The following MGAT5 variants were observed in gnomAD, a reference collection of about 807,000 sequenced individuals.
MGAT5 encodes alpha-1,6-mannosylglycoprotein 6-beta-N-acetylglucosaminyltransferase.
Under a neutral mutation model 94.3 loss-of-function variants are expected in MGAT5, and 30 were observed. The observed-to-expected ratio is 0.32, with a 90% confidence interval of 0.24 to 0.43. The LOEUF (loss-of-function observed/expected upper bound fraction) is 0.43. MGAT5 is among the 20% of genes least tolerant of loss of function. The pLI is 1.00. For synonymous variants in MGAT5, 310 were observed against 322.9 expected, an observed-to-expected ratio of 0.96 and a Z score of 0.43; for missense variants, 691 against 905.5, an observed-to-expected ratio of 0.76 and a Z score of 3.04.
chr2:134,262,443 T>C (rs2105572563), intron 1 of MGAT5, among the ~76,000 whole-genome samples: 1 of 152,128 alleles, frequency 6.6e-6, no homozygotes, highest in South Asian at 2.1e-4. Context: ...GGAGTCTCAC[T>C]GTATTGCCCA....
intron 10 of MGAT5, among the ~76,000 whole-genome samples, chr2:134,387,547 C>T (rs1306356463): frequency 6.6e-6 from 1 of 151,434 alleles, no homozygotes; most frequent in Non-Finnish European, 1.5e-5. Context: ...TGGAATGAGG[C>T]AAGTAAAGTC....
chr2:134,223,568 GAGGATTATTGTAGCCAAGAA>G (rs1232626324), intron 1 of MGAT5, among the ~76,000 whole-genome samples: 1 of 152,188 alleles, frequency 6.6e-6, no homozygotes, highest in Non-Finnish European at 1.5e-5. Flanking sequence ...CTACTTTCTA[GAGGATTATTGTAGCCAAGAA>G]ATAATGCTTT....
intron 4 of MGAT5, among the ~76,000 whole-genome samples, chr2:134,327,014 CT>C (rs1687684404): frequency 6.6e-6 from 1 of 152,094 alleles, no homozygotes; most frequent in Admixed American, 6.6e-5. Context: ...CTGTTTTGTT[CT>C]CACGTACAAT....
At chr2:134,225,069 C>T (rs1032381653) in intron 1 of MGAT5, among the ~76,000 whole-genome samples, 1 of 128,080 alleles carries the variant, frequency 7.8e-6, no homozygotes, top group African/African-American at 3.1e-5. Flanking sequence ...GAGTGAGACC[C>T]TGTCTCACAA....
intron 9 of MGAT5, among the ~76,000 whole-genome samples, chr2:134,357,826 A>G (rs1679840522): frequency 6.6e-6 from 1 of 151,926 alleles, no homozygotes; most frequent in Admixed American, 6.6e-5. Context: ...CAGTTTCCCT[A>G]GCCTGCATCC....
intron 6 of MGAT5, among the ~76,000 whole-genome samples, chr2:134,339,632 A>C (rs1272165090): frequency 6.6e-6 from 1 of 152,190 alleles, no homozygotes; most frequent in East Asian, 1.9e-4. Flanking sequence ...AGTTGGGATT[A>C]GCATGGAGGC....
upstream of MGAT5, among the ~76,000 whole-genome samples, chr2:134,249,534 T>A (rs1181653381): frequency 6.6e-6 from 1 of 152,234 alleles, no homozygotes; most frequent in Non-Finnish European, 1.5e-5. Flanking sequence ...CTTTTTTTGC[T>A]TAGTATAATG....
chr2:134,129,533 G>A (rs1211868463), intron 1 of MGAT5, among the ~76,000 whole-genome samples: 1 of 152,092 alleles, frequency 6.6e-6, no homozygotes, highest in Admixed American at 6.5e-5. Flanking sequence ...TTTATGTAAA[G>A]GAACTATTTT....
chr2:134,254,758 A>G, intron 1 of MGAT5, 114 bp downstream of exon 1: 1 of 1,389,706 alleles, frequency 7.2e-7, no homozygotes, highest in South Asian at 1.4e-5. Flanking sequence ...CACTGCCTTC[A>G]TAAGCAGTGA....
chr2:134,422,701 C>A, intron 12 of MGAT5, 102 bp from the exon 13 acceptor site: 1 of 813,398 alleles, frequency 1.2e-6, no homozygotes, highest in South Asian at 1.5e-5. Flanking sequence ...GTCTTGTTAC[C>A]TACACGATTA....
At chr2:134,274,422 T>C (rs959292414) in intron 2 of MGAT5, among the ~76,000 whole-genome samples, 21 of 152,308 alleles carry the variant, frequency 1.4e-4, no homozygotes, top group Non-Finnish European at 2.4e-4. Context: ...ACTGCCTTTT[T>C]TGTTGGTCAG....
Position 134,448,821 on chromosome 2 carries a change from G to A in MGAT5, c.2200G>A (p.Val734Met). The stretch of plus-strand genomic sequence containing the variant: ...CTGCCGGGACTTCATCAAGGGCCAG[G>A]TGGCTCTCTGCAAAGACTGCCTATA... ...CPCRDFIKGQ[V>M]ALCKDCL Residue 734 changes from valine to methionine, a missense_variant, in exon 16 of 16, where the codon GTG becomes ATG. This residue lies in a region of MGAT5 where 260 missense variants were observed against 347.0 expected (regional missense o/e 0.75). Coordinates refer to ENST00000281923, the MANE Select transcript of MGAT5 (RefSeq NM_002410.5). The A allele has an allele frequency of 6.2e-7, 1 of 1,613,716 alleles. No individual in the cohort carries two copies.
At chr2:134,412,771 A>G in intron 11 of MGAT5, 98 bp from the exon 12 acceptor site, 3 of 1,461,686 alleles carry the variant, frequency 2.1e-6, no homozygotes, top group African/African-American at 1.4e-5. Flanking sequence ...CCACACGGGA[A>G]TGGGCCACAG....
intron 10 of MGAT5, among the ~76,000 whole-genome samples, chr2:134,389,191 A>G (rs1030721374): frequency 2.2e-4 from 34 of 152,216 alleles, no homozygotes; most frequent in African/African-American, 8.0e-4. Context: ...ATAACTGCCT[A>G]GACCCATTAG....
intron 2 of MGAT5, among the ~76,000 whole-genome samples, chr2:134,310,380 C>T (rs1686577273): frequency 6.6e-6 from 1 of 152,140 alleles, no homozygotes; most frequent in South Asian, 2.1e-4. Context: ...ATGAGGAAGG[C>T]ACTTCATCTC....
At chr2:134,291,433 G>C (rs1389438523) in intron 2 of MGAT5, among the ~76,000 whole-genome samples, 3 of 152,190 alleles carry the variant, frequency 2.0e-5, no homozygotes, top group African/African-American at 7.2e-5. Context: ...TTAGTCTCCA[G>C]AATTATGAGA....
chr2:134,363,834 G>A (rs1468896459), intron 10 of MGAT5, among the ~76,000 whole-genome samples: 1 of 152,206 alleles, frequency 6.6e-6, no homozygotes, highest in Non-Finnish European at 1.5e-5. Context: ...GTATAAAAAT[G>A]TGTCCTGTGT....
At chr2:134,154,455 C>G (rs1687380129) in intron 1 of MGAT5, among the ~76,000 whole-genome samples, 1 of 152,202 alleles carries the variant, frequency 6.6e-6, no homozygotes, top group Admixed American at 6.5e-5. Context: ...ACAGGCAAGC[C>G]CCGTTTTGGG....
chr2:134,388,772 T>TG (rs1160045325), intron 10 of MGAT5, among the ~76,000 whole-genome samples: 9 of 62,228 alleles, frequency 1.4e-4, no homozygotes, highest in South Asian at 6.5e-4. Flanking sequence ...TTTTGGGGGG[T>TG]GGGGGGGTGG....
Sources: gnomAD v4.1 joint callset for allele counts (sites outside exome capture counted in the v4.1 genomes callset) on GRCh38, gnomAD v4.1.1 for gene constraint, gnomAD v4.1.1 regional missense constraint, MANE v1.5 for transcripts, NCBI Gene and HGNC (gene_info 2026-07-23, HGNC 2026-07-21) for gene names.